PIBF1: variants seen among roughly 807,000 people sequenced by gnomAD.
The protein encoded by PIBF1 is progesterone immunomodulatory binding factor 1.
Under a neutral mutation model 112.5 loss-of-function variants are expected in PIBF1, and 90 were observed. That is an observed-to-expected ratio of 0.80 (90% confidence interval 0.67 to 0.95). The LOEUF is 0.95. Ranked by LOEUF, PIBF1 falls within the 40% of genes least tolerant of loss-of-function variation. PIBF1 has a pLI of 0.00. For synonymous variants in PIBF1, 301 were observed against 288.6 expected, an observed-to-expected ratio of 1.04 and a Z score of -0.44; for missense variants, 915 against 852.3, an observed-to-expected ratio of 1.07 and a Z score of -0.92.
At chr13:72,953,053 G>A (rs2042345681) in intron 14 of PIBF1, among the ~76,000 whole-genome samples, 1 of 152,096 alleles carries the variant, frequency 6.6e-6, no homozygotes, top group Non-Finnish European at 1.5e-5. Flanking sequence ...AGCAGCTGGG[G>A]AAGGTGTATG....
At chr13:72,934,136 T>A (rs2041794286) in intron 14 of PIBF1, among the ~76,000 whole-genome samples, 1 of 152,146 alleles carries the variant, frequency 6.6e-6, no homozygotes, top group Non-Finnish European at 1.5e-5. Flanking sequence ...GGACTTTACT[T>A]TTTTCTGCTT....
intron 11 of PIBF1, among the ~76,000 whole-genome samples, chr13:72,897,019 G>A (rs1232978568): frequency 6.6e-6 from 1 of 152,114 alleles, no homozygotes; most frequent in Admixed American, 6.5e-5. Context: ...AAGTTAAGAC[G>A]AAGGAAAGAA....
At chr13:72,916,554 T>G (rs1335698239) in intron 12 of PIBF1, among the ~76,000 whole-genome samples, 1 of 151,884 alleles carries the variant, frequency 6.6e-6, no homozygotes, top group South Asian at 2.1e-4. Flanking sequence ...TTTCACATAA[T>G]TTTTTTACAT....
At chr13:72,981,332 T>G (rs908284815) in intron 16 of PIBF1, among the ~76,000 whole-genome samples, 5 of 151,606 alleles carry the variant, frequency 3.3e-5, no homozygotes, top group Non-Finnish European at 1.5e-5. Flanking sequence ...AGCTAGAGAT[T>G]ACACAATTTA....
intron 5 of PIBF1, among the ~76,000 whole-genome samples, chr13:72,811,605 A>AG: frequency 9.5e-6 from 1 of 105,048 alleles, no homozygotes; most frequent in Non-Finnish European, 2.0e-5. Context: ...CAAAAAAAAA[A>AG]AAAAGAGAGA....
At chr13:72,974,800 C>T (rs1490769087) in intron 16 of PIBF1, among the ~76,000 whole-genome samples, 1 of 152,176 alleles carries the variant, frequency 6.6e-6, no homozygotes, top group Non-Finnish European at 1.5e-5. Flanking sequence ...GTTTCCATTT[C>T]TCTTGGGTAA....
chr13:73,005,755 C>T (rs2044013579), intron 17 of PIBF1, among the ~76,000 whole-genome samples: 1 of 152,020 alleles, frequency 6.6e-6, no homozygotes, highest in East Asian at 1.9e-4. Flanking sequence ...TTTTATAACA[C>T]ACATGGAAAA....
chr13:72,999,118 G>T, intron 17 of PIBF1, 123 bp downstream of exon 17: 1 of 615,186 alleles, frequency 1.6e-6, no homozygotes, highest in South Asian at 2.3e-5. Flanking sequence ...TTCATGAAAA[G>T]ACCTTGAAGG....
chr13:72,915,134 G>T (rs898746174), intron 12 of PIBF1, among the ~76,000 whole-genome samples: 1 of 152,106 alleles, frequency 6.6e-6, no homozygotes, highest in Non-Finnish European at 1.5e-5. Flanking sequence ...TGAAGGTGTA[G>T]ATATGTTATA....
chr13:72,860,003 G>A (rs565399046), intron 10 of PIBF1, among the ~76,000 whole-genome samples: 1 of 152,270 alleles, frequency 6.6e-6, no homozygotes, highest in South Asian at 2.1e-4. Context: ...GGACCACTGG[G>A]TAATCACTAC....
chr13:72,982,905 G>A (rs1186120180), intron 16 of PIBF1, among the ~76,000 whole-genome samples: 1 of 152,188 alleles, frequency 6.6e-6, no homozygotes, highest in Non-Finnish European at 1.5e-5. Flanking sequence ...GTAGGCCATA[G>A]GAAGTCATAT....
intron 12 of PIBF1, among the ~76,000 whole-genome samples, chr13:72,908,937 C>T (rs532709570): frequency 6.6e-6 from 1 of 152,038 alleles, no homozygotes; most frequent in East Asian, 1.9e-4. Flanking sequence ...ATCCCAGCTA[C>T]TCCAGAGGCT....
At chr13:72,808,530 G>A (rs2035850813) in intron 5 of PIBF1, among the ~76,000 whole-genome samples, 1 of 152,172 alleles carries the variant, frequency 6.6e-6, no homozygotes, top group South Asian at 2.1e-4. Context: ...GTTTTAGCAG[G>A]AAATTACTTG....
intron 8 of PIBF1, among the ~76,000 whole-genome samples, chr13:72,833,462 G>A (rs911220494): frequency 1.3e-5 from 2 of 151,996 alleles, no homozygotes; most frequent in African/African-American, 2.4e-5. Flanking sequence ...TTGAGTGGAC[G>A]TGCTATTCCT....
intron 2 of PIBF1, among the ~76,000 whole-genome samples, chr13:72,786,845 A>C (rs567137827): frequency 6.6e-6 from 1 of 152,206 alleles, no homozygotes; most frequent in Non-Finnish European, 1.5e-5. Flanking sequence ...TTGCTCTCAA[A>C]TATATGAAGA....
At chr13:72,792,682 T>A in intron 3 of PIBF1, 135 bp downstream of exon 3, 1 of 556,582 alleles carries the variant, frequency 1.8e-6, no homozygotes, top group South Asian at 2.6e-5. Context: ...TTTTTACACC[T>A]AGACCACAAA....
At chr13:72,880,983 T>G (rs2039603891) in intron 10 of PIBF1, 1 of 152,112 alleles carries the variant, frequency 6.6e-6, no homozygotes, top group African/African-American at 2.4e-5. Context: ...CCACTGTTAT[T>G]CAACATTGTA....
At chr13:72,814,599 A>G (rs550743327) in intron 5 of PIBF1, among the ~76,000 whole-genome samples, 3 of 152,030 alleles carry the variant, frequency 2.0e-5, no homozygotes, top group Non-Finnish European at 4.4e-5. Flanking sequence ...TGGCAATTAG[A>G]AACGTATCTT....
intron 17 of PIBF1, among the ~76,000 whole-genome samples, chr13:73,009,404 G>A (rs1039698675): frequency 6.6e-6 from 1 of 152,162 alleles, no homozygotes; most frequent in Non-Finnish European, 1.5e-5. Flanking sequence ...CCAAAAGGTC[G>A]AGGCGTGATC....
Sources: gnomAD v4.1 joint callset for allele counts (sites outside exome capture counted in the v4.1 genomes callset) on GRCh38, gnomAD v4.1.1 for gene constraint, MANE v1.5 for transcripts, NCBI Gene and HGNC (gene_info 2026-07-23, HGNC 2026-07-21) for gene names.